YARS1: variants seen among roughly 807,000 people sequenced by gnomAD.
YARS1 encodes tyrosyl-tRNA synthetase 1, also known as tyrosine--tRNA ligase, cytoplasmic.
A neutral mutation model predicts 62.2 loss-of-function variants in YARS1; 36 were observed. The observed-to-expected ratio is 0.58, with a 90% confidence interval of 0.44 to 0.76. YARS1 has a LOEUF of 0.76. YARS1 is among the 30% of genes least tolerant of loss of function. The pLI, the probability that YARS1 is intolerant of heterozygous loss-of-function variation, is 0.00. For missense variants in YARS1, 524 were observed against 639.8 expected, an observed-to-expected ratio of 0.82 and a Z score of 1.95; for synonymous variants, 234 against 244.9, an observed-to-expected ratio of 0.96 and a Z score of 0.42.
chr1:32,817,163 CG>C (rs776825516), intron 1 of YARS1, 24 bp downstream of exon 1: 1 of 1,613,962 alleles, frequency 6.2e-7, no homozygotes, highest in Non-Finnish European at 8.5e-7. Flanking sequence ...TCCCCAACGG[CG>C]CATTTCCAAC....
chr1:32,782,592 C>T, intron 8 of YARS1, 53 bp from the exon 9 acceptor site: 1 of 1,611,334 alleles, frequency 6.2e-7, no homozygotes, highest in East Asian at 2.2e-5. Context: ...GGGCACAGGA[C>T]ACCTGAATCC....
At chr1:32,801,942 CT>C (rs34270752) in intron 4 of YARS1, among the ~76,000 whole-genome samples, 1,597 of 103,896 alleles carry the variant, frequency 0.015, 5 homozygotes, top group Middle Eastern at 0.053. Context: ...CTTGTTATTT[CT>C]TTTTTTTTTT....
At chr1:32,778,817 CA>C (rs1175635882) in intron 12 of YARS1, among the ~76,000 whole-genome samples, 5 of 148,646 alleles carry the variant, frequency 3.4e-5, no homozygotes, top group Non-Finnish European at 1.5e-5. Context: ...TGGCTCATTG[CA>C]ACCTCTGCCT....
chr1:32,815,310 T>C (rs1441666377), intron 1 of YARS1, among the ~76,000 whole-genome samples: 1 of 152,038 alleles, frequency 6.6e-6, no homozygotes, highest in Non-Finnish European at 1.5e-5. Context: ...GATTGTGCCA[T>C]TGCACTCCAG....
At chr1:32,792,458 C>A (rs1000733370) in intron 5 of YARS1, among the ~76,000 whole-genome samples, 3 of 152,106 alleles carry the variant, frequency 2.0e-5, no homozygotes, top group Admixed American at 6.6e-5. Context: ...CCCTTTGATA[C>A]ACACATACAA....
At chr1:32,813,426 C>T (rs933710935) in intron 1 of YARS1, among the ~76,000 whole-genome samples, 1 of 152,244 alleles carries the variant, frequency 6.6e-6, no homozygotes, top group African/African-American at 2.4e-5. Flanking sequence ...TCAAGTGATT[C>T]TCCTGCCTCA....
intron 5 of YARS1, among the ~76,000 whole-genome samples, chr1:32,794,257 C>T (rs1212406497): frequency 6.6e-6 from 1 of 151,816 alleles, no homozygotes; most frequent in Non-Finnish European, 1.5e-5. Flanking sequence ...GGCTGGGGCA[C>T]GAGAATCCCT....
At chr1:32,795,544 C>T (rs1044311275) in intron 5 of YARS1, among the ~76,000 whole-genome samples, 2 of 151,906 alleles carry the variant, frequency 1.3e-5, no homozygotes, top group Non-Finnish European at 2.9e-5. Context: ...CAGTGGCTCA[C>T]GTCTGTAATC....
chr1:32,791,371 T>C (rs1653407369), intron 5 of YARS1, 117 bp from the exon 6 acceptor site: 1 of 819,536 alleles, frequency 1.2e-6, no homozygotes, highest in African/African-American at 1.7e-5. Flanking sequence ...CCAATCTTTT[T>C]ATACTAAATA....
chr1:32,811,195 A>G (rs1638577285), intron 1 of YARS1, 138 bp from the exon 2 acceptor site: 1 of 1,268,762 alleles, frequency 7.9e-7, no homozygotes, highest in African/African-American at 1.5e-5. Context: ...CCATGTTCTC[A>G]GTGCAGATGT....
chr1:32,804,794 G>A (rs1456341302), intron 4 of YARS1, among the ~76,000 whole-genome samples: 9 of 151,776 alleles, frequency 5.9e-5, no homozygotes, highest in Non-Finnish European at 8.8e-5. Context: ...GACGATGGGC[G>A]GCCAGGCAGA....
intron 12 of YARS1, 137 bp downstream of exon 12, chr1:32,779,245 G>A: frequency 7.0e-7 from 1 of 1,432,228 alleles, no homozygotes; most frequent in Non-Finnish European, 9.8e-7. Flanking sequence ...AAAAAGGTCT[G>A]GAAAGAAGGA....
chr1:32,805,440 T>C (rs923541440), intron 4 of YARS1, among the ~76,000 whole-genome samples: 3 of 152,140 alleles, frequency 2.0e-5, no homozygotes, highest in Non-Finnish European at 4.4e-5. Flanking sequence ...GCTGGTTTCA[T>C]CTTCTATCCA....
At chr1:32,782,671 G>T in intron 8 of YARS1, 132 bp from the exon 9 acceptor site, 1 of 1,227,082 alleles carries the variant, frequency 8.1e-7, no homozygotes, top group Non-Finnish European at 1.2e-6. Flanking sequence ...TTGTGAGGCA[G>T]GTAGGAGAAG....
At chr1:32,788,677 C>A (rs193127040) in intron 6 of YARS1, among the ~76,000 whole-genome samples, 1 of 152,066 alleles carries the variant, frequency 6.6e-6, no homozygotes, top group Non-Finnish European at 1.5e-5. Flanking sequence ...GTGATTCACC[C>A]GCCTTGGCCT....
chr1:32,776,067 A>C lies in YARS1; in HGVS notation c.1501T>G (p.Cys501Gly). ...LQADFKISEE[C>G]IAQWKQTNFM... ...TTGGTTTGCTTCCACTGTGCGATGC[A>C]CTCCTCAGAAATTTTGAAGTCAGCC... The change falls in exon 13 of 13, where the codon TGC (cysteine) becomes GGC (glycine). Residue 501 changes from cysteine to glycine, a missense_variant. Transcript: ENST00000373477. The surrounding 1 kb of genome is among the most constrained non-coding windows in gnomAD (Gnocchi z 4.0). 1.2e-6 allele frequency: 2 copies of C among 1,613,884 alleles called. No homozygotes were observed. The highest frequency in any genetic ancestry group is 1.7e-6 in the Non-Finnish European group (2 of 1,179,972).
rs752514117 is a variant in YARS1 at position 32,781,108 on chromosome 1, T to C, written c.1080A>G (p.Pro360=). 34 of 1,614,124 alleles carry C rather than the reference T, an allele frequency of 2.1e-5. No individual in the cohort carries two copies. The highest frequency in any genetic ancestry group is 3.3e-5 in the South Asian group (3 of 91,094). The stretch of plus-strand genomic sequence containing the variant: ...CCAGCCGGGATGGGATGACCTCCTC[T>C]GGTTCTGAATTCTTGGCAGGGCCTT... The part of the protein sequence containing the change: ...MAKGPAKNSE[P]EEVIPSRLDI... The change falls in exon 10 of 13, where the codon CCA becomes CCG. Residue 360 remains proline (P), a synonymous_variant. Coordinates refer to ENST00000373477, the MANE Select transcript of YARS1 (RefSeq NM_003680.4).
chr1:32,799,998 TA>T (rs1475304011), intron 4 of YARS1, among the ~76,000 whole-genome samples: 2 of 152,018 alleles, frequency 1.3e-5, no homozygotes, highest in Admixed American at 6.6e-5. Context: ...TTTCTTTTTT[TA>T]AGATAGGGTC....
chr1:32,800,392 C>G (rs1177714411), intron 4 of YARS1, among the ~76,000 whole-genome samples: 1 of 152,032 alleles, frequency 6.6e-6, no homozygotes, highest in African/African-American at 2.4e-5. Context: ...GCAATTTCAG[C>G]ACTTTGGGAG....
Sources: gnomAD v4.1 joint callset for allele counts (sites outside exome capture counted in the v4.1 genomes callset) on GRCh38, gnomAD v4.1.1 for gene constraint, Gnocchi (gnomAD v3.1) non-coding constraint, MANE v1.5 for transcripts, NCBI Gene and HGNC (gene_info 2026-07-23, HGNC 2026-07-21) for gene names.